Variants in REDIC1 observed in about 807,000 individuals in gnomAD.
The protein encoded by REDIC1 is regulator of DNA class I crossover intermediates 1, also known as HEI10 Interacting Protein 1.
chr12:39,844,271 A>T, the REDIC1 span, among the ~76,000 whole-genome samples: 1 of 152,100 alleles, frequency 6.6e-6, no homozygotes. Flanking sequence ...TTCAAGGCAT[A>T]GGGTAGATAG....
chr12:39,682,822 G>T, the REDIC1 span: 1 of 1,611,966 alleles, frequency 6.2e-7, no homozygotes, highest in Non-Finnish European at 8.5e-7. Flanking sequence ...TGACTCTTTT[G>T]TTAGTCAAAA....
At chr12:39,805,021 G>GAA in the REDIC1 span, among the ~76,000 whole-genome samples, 1 of 152,076 alleles carries the variant, frequency 6.6e-6, no homozygotes, top group Non-Finnish European at 1.5e-5. Flanking sequence ...GAAGCCTGCT[G>GAA]GAGAGAGAAG....
At chr12:39,844,033 G>C in the REDIC1 span, among the ~76,000 whole-genome samples, 3 of 151,964 alleles carry the variant, frequency 2.0e-5, no homozygotes, top group Non-Finnish European at 4.4e-5. Flanking sequence ...AATAAGGTAA[G>C]AACACAGTTT....
chr12:39,884,222 A>T, the REDIC1 span, among the ~76,000 whole-genome samples: 1 of 151,918 alleles, frequency 6.6e-6, no homozygotes, highest in Non-Finnish European at 1.5e-5. Flanking sequence ...TTCTGCCTCA[A>T]CCTCCCAAAT....
At chr12:39,713,501 C>A in the REDIC1 span, among the ~76,000 whole-genome samples, 1 of 150,018 alleles carries the variant, frequency 6.7e-6, no homozygotes, top group Non-Finnish European at 1.5e-5. Context: ...TGTACACATA[C>A]ATATGTATAC....
the REDIC1 span, among the ~76,000 whole-genome samples, chr12:39,828,647 T>A: frequency 1.3e-5 from 2 of 152,148 alleles, no homozygotes; most frequent in East Asian, 3.9e-4. Context: ...TACAGGAAAC[T>A]ATGTACATTT....
chr12:39,838,272 G>A, the REDIC1 span, among the ~76,000 whole-genome samples: 15 of 147,908 alleles, frequency 1.0e-4, no homozygotes, highest in Middle Eastern at 3.6e-3. Context: ...ATTCTCACTC[G>A]TAGGTGGGAA....
the REDIC1 span, among the ~76,000 whole-genome samples, chr12:39,676,886 A>C: frequency 6.6e-6 from 1 of 152,142 alleles, no homozygotes; most frequent in South Asian, 2.1e-4. Context: ...AGTATTTTTC[A>C]GACAAACATG....
chr12:39,793,252 G>C, the REDIC1 span, among the ~76,000 whole-genome samples: 2 of 151,980 alleles, frequency 1.3e-5, no homozygotes, highest in African/African-American at 4.8e-5. Context: ...CACTAGAAAA[G>C]GAAATGTTTA....
chr12:39,643,483 A>AT, the REDIC1 span, among the ~76,000 whole-genome samples: 2 of 151,648 alleles, frequency 1.3e-5, no homozygotes, highest in African/African-American at 4.8e-5. Flanking sequence ...CTGTTACCAG[A>AT]TTTTTTTAAC....
chr12:39,679,449 GAT>G, the REDIC1 span, among the ~76,000 whole-genome samples: 3 of 152,094 alleles, frequency 2.0e-5, no homozygotes, highest in Non-Finnish European at 4.4e-5. Flanking sequence ...GGAGGTGAAA[GAT>G]ATCTACAAGA....
chr12:39,872,128 A>ATCACAATATAT, the REDIC1 span, among the ~76,000 whole-genome samples: 1 of 152,218 alleles, frequency 6.6e-6, no homozygotes, highest in Non-Finnish European at 1.5e-5. Flanking sequence ...ATCACAATAT[A>ATCACAATATAT]AAGACTATGT....
the REDIC1 span, among the ~76,000 whole-genome samples, chr12:39,836,257 T>C: frequency 6.6e-6 from 1 of 152,094 alleles, no homozygotes; most frequent in African/African-American, 2.4e-5. Flanking sequence ...TACTGTGGGA[T>C]GTGAGTGCTG....
chr12:39,712,433 C>CGTATGT, the REDIC1 span, among the ~76,000 whole-genome samples: 2 of 100,220 alleles, frequency 2.0e-5, no homozygotes, highest in Admixed American at 2.4e-4. Flanking sequence ...CGTATATATA[C>CGTATGT]ATACGTATAT....
At chr12:39,676,584 C>G in the REDIC1 span, among the ~76,000 whole-genome samples, 1 of 152,012 alleles carries the variant, frequency 6.6e-6, no homozygotes, top group Non-Finnish European at 1.5e-5. Context: ...TCTAGATATT[C>G]AAATACAAGA....
the REDIC1 span, among the ~76,000 whole-genome samples, chr12:39,889,983 C>T: frequency 6.6e-6 from 1 of 152,140 alleles, no homozygotes; most frequent in Non-Finnish European, 1.5e-5. Context: ...TAATATTTTA[C>T]ACTTCTACAT....
chr12:39,808,270 A>T, the REDIC1 span, among the ~76,000 whole-genome samples: 2 of 152,186 alleles, frequency 1.3e-5, no homozygotes, highest in African/African-American at 4.8e-5. Context: ...AGGTTACTGG[A>T]CATATCAGTA....
the REDIC1 span, among the ~76,000 whole-genome samples, chr12:39,861,017 T>G: frequency 2.0e-5 from 3 of 152,220 alleles, no homozygotes; most frequent in African/African-American, 7.2e-5. Context: ...TCTGTCTTAA[T>G]AGTCTTATCT....
the REDIC1 span, among the ~76,000 whole-genome samples, chr12:39,738,335 C>G: frequency 6.6e-6 from 1 of 152,238 alleles, no homozygotes; most frequent in African/African-American, 2.4e-5. Flanking sequence ...ATTTGCCACC[C>G]TTCTTTTAAG....
Sources: gnomAD v4.1 joint callset for allele counts (sites outside exome capture counted in the v4.1 genomes callset) on GRCh38, gnomAD v4.1.1 for gene constraint, MANE v1.5 for transcripts, NCBI Gene and HGNC (gene_info 2026-07-23, HGNC 2026-07-21) for gene names.